Variants in OLFM2 observed in about 807,000 individuals in gnomAD.
OLFM2 encodes olfactomedin 2.
A neutral mutation model predicts 43.9 loss-of-function variants in OLFM2; 20 were observed. That is an observed-to-expected ratio of 0.46 (90% CI 0.32 to 0.66). OLFM2 has a LOEUF of 0.66. Among genes scored for constraint, OLFM2 ranks in the 30% least tolerant of loss-of-function variants. The probability of loss-of-function intolerance (pLI) is 0.04; values close to 1 mark genes in which losing one functional copy is unlikely to be tolerated. For synonymous variants in OLFM2, 268 were observed against 278.6 expected (o/e 0.96, Z 0.38); for missense variants, 416 against 643.6 (o/e 0.65, Z 3.83).
intron 1 of OLFM2, 95 bp downstream of exon 1, chr19:9,936,209 T>G: frequency 2.3e-6 from 3 of 1,312,344 alleles, no homozygotes; most frequent in East Asian, 2.9e-5. Flanking sequence ...TGGGGGGGCT[T>G]GTGGAGCCTC....
At chr19:9,890,433 G>A (rs1181655303) in intron 1 of OLFM2, among the ~76,000 whole-genome samples, 1 of 152,212 alleles carries the variant, frequency 6.6e-6, no homozygotes, top group East Asian at 1.9e-4. Flanking sequence ...TCATGAGAAT[G>A]GGTGCCCGTG....
At chr19:9,927,540 C>T (rs1403429244) in intron 1 of OLFM2, among the ~76,000 whole-genome samples, 1 of 152,116 alleles carries the variant, frequency 6.6e-6, no homozygotes, top group Non-Finnish European at 1.5e-5. Context: ...CTTCTGTGTC[C>T]ACCCTCCAGT....
intron 1 of OLFM2, among the ~76,000 whole-genome samples, chr19:9,862,148 C>T (rs1193289469): frequency 6.6e-6 from 1 of 152,064 alleles, no homozygotes; most frequent in Admixed American, 6.5e-5. Context: ...CATGGAGCTA[C>T]TAGGAGAGAC....
intron 1 of OLFM2, among the ~76,000 whole-genome samples, chr19:9,905,421 C>T (rs1256074078): frequency 2.0e-5 from 3 of 151,992 alleles, no homozygotes; most frequent in Non-Finnish European, 4.4e-5. Flanking sequence ...TGCGCCACTG[C>T]ATTCCAGCCT....
intron 1 of OLFM2, among the ~76,000 whole-genome samples, chr19:9,908,604 G>A (rs1014408323): frequency 6.0e-5 from 9 of 151,086 alleles, no homozygotes; most frequent in Middle Eastern, 6.9e-3. Flanking sequence ...TCAGCTTCCC[G>A]AGTAGCTGGG....
chr19:9,902,958 G>A (rs916172066), intron 1 of OLFM2, among the ~76,000 whole-genome samples: 5 of 150,746 alleles, frequency 3.3e-5, no homozygotes, highest in Admixed American at 6.6e-5. Context: ...GACCACGGGC[G>A]GGTACCACCA....
chr19:9,917,089 A>T (rs2046881195), intron 1 of OLFM2, among the ~76,000 whole-genome samples: 2 of 152,086 alleles, frequency 1.3e-5, no homozygotes, highest in African/African-American at 2.4e-5. Context: ...TCCATCTGGG[A>T]CACTGCAACC....
chr19:9,902,665 G>A (rs1386689495), intron 1 of OLFM2, among the ~76,000 whole-genome samples: 3 of 152,078 alleles, frequency 2.0e-5, no homozygotes, highest in East Asian at 1.9e-4. Flanking sequence ...GATTACAGGT[G>A]AGAGCCCAGG....
At chr19:9,904,518 A>T (rs2046769070) in intron 1 of OLFM2, among the ~76,000 whole-genome samples, 1 of 151,882 alleles carries the variant, frequency 6.6e-6, no homozygotes, top group African/African-American at 2.4e-5. Flanking sequence ...TGAGGGCTTC[A>T]TAACTAGAAA....
intron 1 of OLFM2, among the ~76,000 whole-genome samples, chr19:9,901,147 G>A (rs1257540617): frequency 1.4e-5 from 2 of 138,604 alleles, no homozygotes; most frequent in Admixed American, 1.6e-4. Flanking sequence ...AAAGAAAGAA[G>A]GAAAGAAAAA....
In OLFM2 at chr19:9,915,236, TCTC is replaced by T. The variant is rs1215191831; in HGVS notation, c.63+21065_63+21067del. ...AATTGAATATTCTTTTTCTTTTCTC[TCTC>T]TTTTTTTTTTTTTTTTGGTAGAGAT... On this transcript the variant is annotated intron_variant, in intron 1 of 5. Transcript: ENST00000264833. Among the ~76,000 whole-genome samples, 329 of 118,034 alleles carry T rather than the reference TCTC, an allele frequency of 2.8e-3. 2 individuals carry two copies. Among genetic ancestry groups the T allele is most frequent in the East Asian group, 0.016 (52 of 3,328 alleles). The allele number at this position is 118,034 out of a possible 152,430, so 77.4% of individuals were successfully genotyped here. A position where few individuals can be genotyped will look rare whatever the true frequency, so the allele number is the denominator to read the frequency against.
At chr19:9,913,513 G>T in intron 1 of OLFM2, 1 of 1,164,574 alleles carries the variant, frequency 8.6e-7, no homozygotes, top group Non-Finnish European at 1.1e-6. Context: ...CACGGGACAC[G>T]GTGCCGTTGA....
In OLFM2 at chr19:9,857,299, G is replaced by C. The variant is rs1481373713; in HGVS notation, c.544C>G (p.Leu182Val). Residue 182 changes from leucine to valine, a missense_variant, in exon 4 of 6, where the codon CTG (leucine) becomes GTG (valine). Coordinates refer to ENST00000264833, the MANE Select transcript of OLFM2 (RefSeq NM_058164.4). This position sits in a 1 kb window ranked among gnomAD's most constrained non-coding sequence, Gnocchi z 5.7. Reference sequence around the variant, plus strand: ...GCGCAGGCGTGGAGCCGGGCCTCCAGGGCCATCACCCGTTGCTGCAGGTCC... The same window carrying C: ...GCGCAGGCGTGGAGCCGGGCCTCCACGGCCATCACCCGTTGCTGCAGGTCC... ...YEDLQQRVMA[L>V]EARLHACAQK... The C allele has an allele frequency of 5.6e-6, 9 of 1,614,004 alleles. No individual in the cohort carries two copies. Among genetic ancestry groups the C allele is most frequent in the Non-Finnish European group, 7.6e-6 (9 of 1,180,032 alleles).
At position 9,860,050 on chromosome 19, in the gene OLFM2, GAGA is replaced by G. The variant is rs2046355096; in HGVS notation, c.213+592_213+594del. ...CCAGCTACTCGGGAGGCTGAGGCAG[GAGA>G]ATTGCTTGAACCTGGGAGGTGGAGG... On this transcript the variant is annotated intron_variant, in intron 2 of 5. Transcript: ENST00000264833. Among the ~76,000 whole-genome samples, 3 of 152,134 alleles carry G rather than the reference GAGA, an allele frequency of 2.0e-5. 1 individual carries two copies. In the South Asian group the frequency reaches 6.2e-4, roughly 31 times the overall value.
intron 1 of OLFM2, among the ~76,000 whole-genome samples, chr19:9,893,639 C>G (rs1961336492): frequency 6.6e-6 from 1 of 152,146 alleles, no homozygotes; most frequent in Admixed American, 6.6e-5. Flanking sequence ...ATTTCCCCTT[C>G]CTGGGCACCT....
In OLFM2 at chr19:9,857,618, C is replaced by T. The variant is rs996619828; in HGVS notation, c.360+97G>A. On this transcript the variant is annotated intron_variant, in intron 3 of 5. Coordinates refer to ENST00000264833, the MANE Select transcript of OLFM2 (RefSeq NM_058164.4). This position sits in a 1 kb window ranked among gnomAD's most constrained non-coding sequence, Gnocchi z 5.7. ...CCTTGACATGTGGCTCATATTGGAC[C>T]CTAGATTCTTCCCAGACATGACTCC... 6.3e-7 allele frequency: 1 copy of T among 1,584,460 alleles called. No homozygotes were observed. Among genetic ancestry groups the T allele is most frequent in the Admixed American group, 1.7e-5 (1 of 59,342 alleles).
At chr19:9,932,731 A>T (rs2086490627) in intron 1 of OLFM2, among the ~76,000 whole-genome samples, 1 of 152,150 alleles carries the variant, frequency 6.6e-6, no homozygotes, top group Non-Finnish European at 1.5e-5. Context: ...TTGGTCCCAA[A>T]CCCAGATAGT....
chr19:9,896,287 G>A (rs1362124161), intron 1 of OLFM2, among the ~76,000 whole-genome samples: 1 of 151,986 alleles, frequency 6.6e-6, no homozygotes, highest in South Asian at 2.1e-4. Context: ...TTTTAGTAGA[G>A]ACAGGGTTTC....
intron 1 of OLFM2, among the ~76,000 whole-genome samples, chr19:9,893,645 C>T (rs2046656985): frequency 6.6e-6 from 1 of 152,166 alleles, no homozygotes; most frequent in South Asian, 2.1e-4. Flanking sequence ...CCTTCCTGGG[C>T]ACCTTCTCAC....
Sources: gnomAD v4.1 joint callset for allele counts (sites outside exome capture counted in the v4.1 genomes callset) on GRCh38, gnomAD v4.1.1 for gene constraint, Gnocchi (gnomAD v3.1) non-coding constraint, MANE v1.5 for transcripts, NCBI Gene and HGNC (gene_info 2026-07-23, HGNC 2026-07-21) for gene names.